Variants in IDNK observed in about 807,000 individuals in gnomAD.
IDNK encodes gluconokinase.
A neutral mutation model predicts 13.0 loss-of-function variants in IDNK; 9 were observed. The observed-to-expected ratio is 0.69, with a 90% CI of 0.42 to 1.21. The LOEUF (loss-of-function observed/expected upper bound fraction) is 1.21. Among genes scored for constraint, IDNK ranks in the 50% most tolerant of loss-of-function variants. The pLI is 0.00. For synonymous variants in IDNK, 92 were observed against 94.9 expected (o/e 0.97, Z 0.18); for missense variants, 210 against 237.8 (o/e 0.88, Z 0.77).
intron 4 of IDNK, among the ~76,000 whole-genome samples, chr9:83,642,118 A>G (rs1831325976): frequency 6.6e-6 from 1 of 151,992 alleles, no homozygotes; most frequent in Admixed American, 6.6e-5. Context: ...TAGAGTCCAC[A>G]TTGCCCAGCT....
In IDNK at chr9:83,623,204, C is replaced by A. The variant is rs1830747432; in HGVS notation, c.33C>A (p.Gly11=). Residue 11 remains glycine, a synonymous_variant, in exon 1 of 5, where the codon GGC becomes GGA. Coordinates refer to ENST00000376419, the MANE Select transcript of IDNK (RefSeq NM_001001551.4). ...CGCCGGGCGCGCTGCTGGTGATGGGCGTGAGCGGCTCGGGGAAGTAGGTCC... is the reference window on the plus strand; with the variant it reads ...CGCCGGGCGCGCTGCTGGTGATGGGAGTGAGCGGCTCGGGGAAGTAGGTCC... The part of the protein sequence containing the change: MAAPGALLVM[G]VSGSGKSTVG... 1 of 1,409,912 alleles carries A rather than the reference C, an allele frequency of 7.1e-7. No individual in the cohort carries two copies. Among genetic ancestry groups the A allele is most frequent in the Non-Finnish European group, 9.2e-7 (1 of 1,087,334 alleles). The allele number at this position is 1,409,912 out of a possible 1,614,324, so 87.3% of individuals were successfully genotyped here.
chr9:83,639,828 TTA>T (rs1448944501), intron 3 of IDNK, among the ~76,000 whole-genome samples: 1 of 152,194 alleles, frequency 6.6e-6, no homozygotes, highest in African/African-American at 2.4e-5. Context: ...CATGGATTGT[TTA>T]TGTTACTCCT....
chr9:83,642,071 G>T (rs1439953476), intron 4 of IDNK, among the ~76,000 whole-genome samples: 1 of 152,094 alleles, frequency 6.6e-6, no homozygotes, highest in Non-Finnish European at 1.5e-5. Flanking sequence ...AAGGCCTGAG[G>T]TCATTTGTGA....
At chr9:83,641,429 C>T in intron 3 of IDNK, 119 bp from the exon 4 acceptor site, 1 of 1,129,038 alleles carries the variant, frequency 8.9e-7, no homozygotes. Flanking sequence ...CCACTCCTCA[C>T]ACCACTGAGC....
upstream of IDNK, chr9:83,623,097 C>T: frequency 8.0e-7 from 1 of 1,253,620 alleles, no homozygotes; most frequent in Non-Finnish European, 1.0e-6. Flanking sequence ...GCGAGAGCGG[C>T]TCCGCCCCTC....
Position 83,628,385 on chromosome 9 carries a change from G to T in IDNK, c.81+174G>T, listed in dbSNP as rs1175763249. Among the ~76,000 whole-genome samples, 4 of 152,148 alleles carry T rather than the reference G, an allele frequency of 2.6e-5. No homozygotes were observed. In the South Asian group the frequency reaches 6.2e-4, roughly 24 times the overall value. On this transcript the variant is annotated intron_variant, in intron 2 of 4. Transcript: ENST00000376419. Reference sequence around the variant, plus strand: ...AAATAGTGATGAATAGGCAGGGTGCGGTGGCTCATGCCTGTAATCCCCACA... The same window carrying T: ...AAATAGTGATGAATAGGCAGGGTGCTGTGGCTCATGCCTGTAATCCCCACA...
rs180727221 is a variant in IDNK at position 83,641,064 on chromosome 9, A to G, written c.169-484A>G. On this transcript the variant is annotated intron_variant, in intron 3 of 4. Transcript: ENST00000376419. ...AAACACTGTAGCACGTGCTACGTAA[A>G]TTTCATCTGTCTTCTCTTTGGCAAA... Among the ~76,000 whole-genome samples the G allele has an allele frequency of 6.8e-3, 1,034 of 152,288 alleles. 26 individuals are homozygous for G. Among genetic ancestry groups the G allele is most frequent in the Non-Finnish European group, 6.3e-3 (426 of 68,030 alleles).
At chr9:83,632,756 C>T (rs1831057659) in intron 3 of IDNK, among the ~76,000 whole-genome samples, 1 of 152,102 alleles carries the variant, frequency 6.6e-6, no homozygotes, top group South Asian at 2.1e-4. Flanking sequence ...CATTTCTTTC[C>T]TCTAAAACTT....
chr9:83,638,032 G>A (rs1831209730), intron 3 of IDNK, among the ~76,000 whole-genome samples: 1 of 151,934 alleles, frequency 6.6e-6, no homozygotes, highest in African/African-American at 2.4e-5. Flanking sequence ...CTTATAAACT[G>A]ACATAAAACT....
intron 1 of IDNK, chr9:83,626,534 A>T (rs562266854): frequency 9.4e-4 from 407 of 432,426 alleles, no homozygotes; most frequent in Admixed American, 1.6e-3. Flanking sequence ...GTCATGCCTC[A>T]GCCTCCGGAG....
intron 4 of IDNK, 99 bp downstream of exon 4, chr9:83,641,690 G>A (rs1207743216): frequency 3.3e-6 from 4 of 1,206,418 alleles, no homozygotes; most frequent in Non-Finnish European, 4.9e-6. Flanking sequence ...AATCACAACT[G>A]ACTGATGGTA....
intron 3 of IDNK, among the ~76,000 whole-genome samples, chr9:83,629,820 C>A (rs1312660256): frequency 6.6e-6 from 1 of 152,228 alleles, no homozygotes. Flanking sequence ...ATTGTACCCC[C>A]CAGGCCTGAC....
chr9:83,642,834 A>C (rs1410139199), intron 4 of IDNK, among the ~76,000 whole-genome samples: 1 of 151,982 alleles, frequency 6.6e-6, no homozygotes, highest in Non-Finnish European at 1.5e-5. Flanking sequence ...TCCTTAGTGC[A>C]TCCCTAGGAA....
chr9:83,640,615 G>T (rs529614124), intron 3 of IDNK, among the ~76,000 whole-genome samples: 3 of 152,338 alleles, frequency 2.0e-5, no homozygotes, highest in African/African-American at 7.2e-5. Context: ...GCCAAGGCAG[G>T]CGGATCACCT....
intron 3 of IDNK, 119 bp downstream of exon 3, chr9:83,629,078 A>G: frequency 1.3e-6 from 1 of 777,456 alleles, no homozygotes; most frequent in Admixed American, 1.8e-5. Flanking sequence ...GGGGCTACAA[A>G]GAGCCAGGTG....
At position 83,644,027 on chromosome 9, in the gene IDNK, C is replaced by G. The variant is rs1034149163; in HGVS notation, c.*247C>G. On this transcript the variant is annotated 3_prime_UTR_variant, in exon 5 of 5. Coordinates refer to ENST00000376419, the MANE Select transcript of IDNK (RefSeq NM_001001551.4). ...TTCATCTATAACCAAATCAAATGAT[C>G]AGAGGAAATTCTGTAATCAATGCTG... 7.3e-6 allele frequency: 3 copies of G among 412,040 alleles called. No homozygotes were observed. The highest frequency in any genetic ancestry group is 2.0e-5 in the African/African-American group (1 of 49,736). 25.5% of individuals were successfully genotyped at this position (412,040 alleles called of 1,614,324 possible).
chr9:83,626,409 T>TTTTTTTG (rs557839923), intron 1 of IDNK: 2 of 303,554 alleles, frequency 6.6e-6, no homozygotes, highest in Non-Finnish European at 1.3e-5. Flanking sequence ...ATCTAACTTG[T>TTTTTTTG]TTTTTTGTTT....
intron 3 of IDNK, among the ~76,000 whole-genome samples, chr9:83,637,959 T>A (rs2131632838): frequency 6.6e-6 from 1 of 152,256 alleles, no homozygotes; most frequent in South Asian, 2.1e-4. Context: ...AAAACAATCA[T>A]CCTTGAGAAA....
intron 3 of IDNK, among the ~76,000 whole-genome samples, chr9:83,632,849 A>G (rs1755371187): frequency 6.6e-6 from 1 of 152,122 alleles, no homozygotes; most frequent in South Asian, 2.1e-4. Context: ...TTGCTCTAAT[A>G]TCTCCTTCTT....
Sources: gnomAD v4.1 joint callset for allele counts (sites outside exome capture counted in the v4.1 genomes callset) on GRCh38, gnomAD v4.1.1 for gene constraint, MANE v1.5 for transcripts, NCBI Gene and HGNC (gene_info 2026-07-23, HGNC 2026-07-21) for gene names.